Variants in ARHGEF33 observed in about 807,000 individuals in gnomAD.
ARHGEF33 encodes the protein DH and coiled-coil domain-containing protein ENSP00000381780.
Under a neutral mutation model 101.9 loss-of-function variants are expected in ARHGEF33, and 72 were observed. That is an observed-to-expected ratio of 0.71 (90% CI 0.58 to 0.86). ARHGEF33 has a LOEUF of 0.86. Among genes scored for constraint, ARHGEF33 ranks in the 40% least tolerant of loss-of-function variants. The probability of loss-of-function intolerance (pLI) is 0.00; values close to 1 mark genes in which losing one functional copy is unlikely to be tolerated. For missense variants in ARHGEF33, 1,169 were observed against 1,111.3 expected, an observed-to-expected ratio of 1.05 and a Z score of -0.74; for synonymous variants, 499 against 442.5, an observed-to-expected ratio of 1.13 and a Z score of -1.60.
At chr2:38,897,953 A>G (rs1389284858) in intron 2 of ARHGEF33, among the ~76,000 whole-genome samples, 5 of 152,194 alleles carry the variant, frequency 3.3e-5, no homozygotes, top group Admixed American at 3.3e-4. Flanking sequence ...GGGAGTGACT[A>G]AAGATGAGTC....
chr2:38,959,762 C>T (rs986566999), intron 15 of ARHGEF33, 79 bp from the exon 16 acceptor site: 10 of 1,427,238 alleles, frequency 7.0e-6, no homozygotes, highest in Non-Finnish European at 9.3e-6. Context: ...AGCGCGGCCC[C>T]GAGGGGCGCC....
intron 16 of ARHGEF33, among the ~76,000 whole-genome samples, chr2:38,961,804 G>A (rs551978476): frequency 6.6e-6 from 1 of 152,052 alleles, no homozygotes; most frequent in Admixed American, 6.6e-5. Flanking sequence ...GGTCATGGTG[G>A]TCAGAGAAGG....
intron 1 of ARHGEF33, among the ~76,000 whole-genome samples, chr2:38,893,963 G>C (rs1449567366): frequency 3.9e-5 from 6 of 152,128 alleles, no homozygotes; most frequent in African/African-American, 7.2e-5. Flanking sequence ...GAAGACTGAA[G>C]ACTGTTGTTA....
At chr2:38,907,387 A>G (rs1666415447) in intron 2 of ARHGEF33, among the ~76,000 whole-genome samples, 1 of 152,192 alleles carries the variant, frequency 6.6e-6, no homozygotes, top group Non-Finnish European at 1.5e-5. Flanking sequence ...CTGTTCTGAG[A>G]GCACCAAAGG....
At chr2:38,921,504 C>A in intron 4 of ARHGEF33, 81 bp downstream of exon 4, 1 of 965,736 alleles carries the variant, frequency 1.0e-6, no homozygotes, top group Non-Finnish European at 1.6e-6. Context: ...ACGTTTTTAG[C>A]ACTCACAAGT....
At chr2:38,945,965 C>T (rs1667440528) in intron 10 of ARHGEF33, among the ~76,000 whole-genome samples, 1 of 152,180 alleles carries the variant, frequency 6.6e-6, no homozygotes, top group East Asian at 1.9e-4. Flanking sequence ...TCTTATACAT[C>T]ATACCACTTC....
intron 15 of ARHGEF33, chr2:38,959,467 G>GT (rs1037856985): frequency 2.2e-5 from 4 of 182,690 alleles, no homozygotes; most frequent in African/African-American, 9.4e-5. Flanking sequence ...TCGAACAGAA[G>GT]TTGAGTTTTC....
intron 2 of ARHGEF33, among the ~76,000 whole-genome samples, chr2:38,903,755 C>G (rs1666301607): frequency 6.6e-6 from 1 of 152,234 alleles, no homozygotes. Context: ...AGATAGAACA[C>G]TAAATCCTTT....
chr2:38,896,433 C>A (rs1666124539), intron 2 of ARHGEF33, among the ~76,000 whole-genome samples: 1 of 152,190 alleles, frequency 6.6e-6, no homozygotes. Context: ...CCACTGCGCT[C>A]AGCCATATTA....
intron 16 of ARHGEF33, among the ~76,000 whole-genome samples, chr2:38,964,975 G>A (rs1388350055): frequency 6.6e-6 from 1 of 151,786 alleles, no homozygotes; most frequent in Non-Finnish European, 1.5e-5. Flanking sequence ...GTCTAGTTAT[G>A]AATCTTAGTA....
At chr2:38,892,166 G>C (rs934370937) in intron 1 of ARHGEF33, among the ~76,000 whole-genome samples, 19 of 152,176 alleles carry the variant, frequency 1.2e-4, no homozygotes, top group African/African-American at 4.3e-4. Context: ...GGGAGTAGCT[G>C]TTTTGGATTT....
At chr2:38,944,969 T>G (rs576771995) in intron 10 of ARHGEF33, among the ~76,000 whole-genome samples, 1 of 152,156 alleles carries the variant, frequency 6.6e-6, no homozygotes, top group South Asian at 2.1e-4. Context: ...TCCACCTATA[T>G]CTGTTCATAG....
At chr2:38,892,543 G>A (rs1572734686) in intron 1 of ARHGEF33, among the ~76,000 whole-genome samples, 1 of 152,276 alleles carries the variant, frequency 6.6e-6, no homozygotes, top group Non-Finnish European at 1.5e-5. Flanking sequence ...TTTAAAATGT[G>A]CTTTCCCCAT....
rs187535409 is a variant in ARHGEF33, at chr2:38,946,227, C to T, written c.920+2197C>T. Among the ~76,000 whole-genome samples, 213 of 152,212 alleles carry T rather than the reference C, an allele frequency of 1.4e-3. 1 individual carries two copies. Among genetic ancestry groups the T allele is most frequent in the African/African-American group, 5.0e-3 (206 of 41,550 alleles). Reference sequence around the variant, plus strand: ...AAGATTTGGGTAGATAAAGAGAAGGCCCTTATTGACTTGCTGCCACTTCCT... The same window carrying T: ...AAGATTTGGGTAGATAAAGAGAAGGTCCTTATTGACTTGCTGCCACTTCCT... On this transcript the variant is annotated intron_variant, in intron 10 of 17. Transcript: ENST00000409978.
At chr2:38,937,654 A>T in intron 9 of ARHGEF33, 95 bp downstream of exon 9, 1 of 767,416 alleles carries the variant, frequency 1.3e-6, no homozygotes, top group Non-Finnish European at 2.1e-6. Flanking sequence ...GTTTAGATTC[A>T]GTGGACACAT....
At chr2:38,895,588 A>G (rs1181481179) in intron 1 of ARHGEF33, among the ~76,000 whole-genome samples, 189 bp from the exon 2 acceptor site, 4 of 152,190 alleles carry the variant, frequency 2.6e-5, no homozygotes, top group African/African-American at 7.2e-5. Flanking sequence ...CTTAAAAATT[A>G]AAAGACTAAA....
chr2:38,951,634 A>C (rs1336702761), intron 11 of ARHGEF33, among the ~76,000 whole-genome samples: 1 of 151,640 alleles, frequency 6.6e-6, no homozygotes. Context: ...TATACATTAA[A>C]ACATGTATAT....
chr2:38,928,124 C>CA (rs1666914086), intron 4 of ARHGEF33, among the ~76,000 whole-genome samples: 1 of 152,126 alleles, frequency 6.6e-6, no homozygotes, highest in Non-Finnish European at 1.5e-5. Flanking sequence ...GAAACTGCTA[C>CA]AAAAAAGTTA....
chr2:38,935,290 C>A (rs2124389952), intron 7 of ARHGEF33, among the ~76,000 whole-genome samples: 1 of 151,400 alleles, frequency 6.6e-6, no homozygotes, highest in South Asian at 2.1e-4. Context: ...AAGCGATCCT[C>A]CTATTTTAGC....
Sources: allele counts gnomAD v4.1 joint callset (sites outside exome capture counted in the v4.1 genomes callset), GRCh38; gene constraint gnomAD v4.1.1; transcripts MANE v1.5; gene names NCBI Gene and HGNC (gene_info 2026-07-23, HGNC 2026-07-21).